RDH10: variants seen among roughly 807,000 people sequenced by gnomAD.
RDH10 encodes the protein retinol dehydrogenase 10 (all-trans).
In RDH10, 12 loss-of-function variants were observed where a neutral mutation model predicts 30.2. The observed-to-expected ratio is 0.40, with a 90% confidence interval of 0.25 to 0.64. The LOEUF is 0.64. Ranked by LOEUF, RDH10 falls within the 30% of genes least tolerant of loss-of-function variation. The probability of loss-of-function intolerance (pLI) is 0.43; values close to 1 mark genes in which losing one functional copy is unlikely to be tolerated. For synonymous variants in RDH10, 189 were observed against 172.2 expected (o/e 1.10, Z -0.76); for missense variants, 268 against 445.2 (o/e 0.60, Z 3.58).
At chr8:73,319,710 G>A (rs1369260433) in intron 3 of RDH10, among the ~76,000 whole-genome samples, 2 of 152,196 alleles carry the variant, frequency 1.3e-5, no homozygotes, top group Non-Finnish European at 2.9e-5. Context: ...ATGGAAAGCT[G>A]TGGGGAACAG....
chr8:73,295,339 C>T lies in RDH10; in HGVS notation c.50C>T (p.Ala17Val), dbSNP rs1814241548. 1 of 1,563,682 alleles carries T rather than the reference C, an allele frequency of 6.4e-7. No individual in the cohort carries two copies. The highest frequency in any genetic ancestry group is 8.7e-7 in the Non-Finnish European group (1 of 1,155,770). Residue 17 changes from alanine (A) to valine (V), a missense_variant, in exon 1 of 6, where the codon GCG becomes GTG. Ala to Val is a moderately conservative substitution (Grantham distance 64). Around this residue, in one of 4 missense-constraint regions of RDH10, gnomAD observed 44 missense variants for 42.1 expected, o/e 1.04. Transcript: ENST00000240285. ...FFVVTFKVLWAFVLAAARWLV... is the reference protein window; with the variant it reads ...FFVVTFKVLWVFVLAAARWLV... ...GTGGTCACTTTCAAAGTGCTCTGGG[C>T]GTTCGTGCTGGCCGCGGCGCGCTGG... is the stretch of plus-strand genomic sequence containing the variant.
In RDH10 at chr8:73,319,480, G is replaced by A. The variant is rs192723319; in HGVS notation, c.624+286G>A. On this transcript the variant is annotated intron_variant, in intron 3 of 5. Transcript: ENST00000240285. ...TTCAAGACTGCAGTGAGCTATGGTGGCACCACTGCACTTCAGCCTGGGAGA... is the reference window on the plus strand; with the variant it reads ...TTCAAGACTGCAGTGAGCTATGGTGACACCACTGCACTTCAGCCTGGGAGA... Among the ~76,000 whole-genome samples the A allele has an allele frequency of 5.6e-4, 86 of 152,308 alleles. 1 individual carries two copies. The highest frequency in any genetic ancestry group is 2.0e-3 in the African/African-American group (82 of 41,564).
intron 2 of RDH10, among the ~76,000 whole-genome samples, chr8:73,300,739 C>A (rs1221610859): frequency 6.6e-6 from 1 of 152,222 alleles, no homozygotes; most frequent in Non-Finnish European, 1.5e-5. Flanking sequence ...ACCTGAAACA[C>A]CCTCTTCCTC....
chr8:73,322,410 T>C, intron 4 of RDH10: 1 of 388,352 alleles, frequency 2.6e-6, no homozygotes, highest in Non-Finnish European at 4.7e-6. Flanking sequence ...TTTGAAATAC[T>C]TTTAAGGCAT....
intron 2 of RDH10, among the ~76,000 whole-genome samples, chr8:73,302,706 ATC>A (rs1194157061): frequency 2.6e-5 from 4 of 152,204 alleles, no homozygotes; most frequent in Non-Finnish European, 5.9e-5. Flanking sequence ...AAAGAAAAAT[ATC>A]TCTCTGTATT....
In RDH10 at chr8:73,305,292, C is replaced by T. The variant is rs533968909; in HGVS notation, c.525+7863C>T. Among the ~76,000 whole-genome samples the T allele has an allele frequency of 2.4e-3, 363 of 152,250 alleles. 2 individuals are homozygous for T. The highest frequency in any genetic ancestry group is 8.3e-3 in the African/African-American group (345 of 41,542). On this transcript the variant is annotated intron_variant, in intron 2 of 5. Coordinates refer to ENST00000240285, the MANE Select transcript of RDH10 (RefSeq NM_172037.5). ...AGATCTTTGGGAAATTCTAATGAAT[C>T]GGTTTTAGTAACTTGAATATATCTA...
chr8:73,322,852 C>A, intron 5 of RDH10, 42 bp downstream of exon 5: 1 of 1,613,946 alleles, frequency 6.2e-7, no homozygotes, highest in Non-Finnish European at 8.5e-7. Context: ...TCTCTCCATG[C>A]CTGCCCGATG....
At chr8:73,318,261 C>A (rs73330932) in intron 2 of RDH10, among the ~76,000 whole-genome samples, 6,115 of 151,824 alleles carry the variant, frequency 0.04, 416 homozygotes, top group African/African-American at 0.14. Context: ...TGAAGGCAAG[C>A]GAGCTAGAGA....
rs1206964878 is a variant in RDH10, at chr8:73,324,345, A to G, written c.*1309A>G. ...AACTATTTTGTGCCTTGAATTTGGT[A>G]TATGTGTATTAGTGAAACATTGTAA... is the stretch of plus-strand genomic sequence containing the variant. On this transcript the variant is annotated 3_prime_UTR_variant, in exon 6 of 6. Coordinates refer to ENST00000240285, the MANE Select transcript of RDH10 (RefSeq NM_172037.5). The G allele has an allele frequency of 6.6e-6, 1 of 152,634 alleles. No homozygotes were observed. Among genetic ancestry groups the G allele is most frequent in the Non-Finnish European group, 1.5e-5 (1 of 68,030 alleles). 9.5% of individuals were successfully genotyped at this position (152,634 alleles called of 1,614,324 possible).
chr8:73,296,586 G>A (rs1814270956), intron 1 of RDH10, among the ~76,000 whole-genome samples: 2 of 152,038 alleles, frequency 1.3e-5, no homozygotes, highest in Non-Finnish European at 2.9e-5. Flanking sequence ...GTTCTTATGC[G>A]GTAAAATTGC....
At chr8:73,302,396 C>G (rs1471452265) in intron 2 of RDH10, among the ~76,000 whole-genome samples, 2 of 152,140 alleles carry the variant, frequency 1.3e-5, no homozygotes, top group Non-Finnish European at 2.9e-5. Flanking sequence ...TGAAAGATAC[C>G]TCTCTTGGGC....
At chr8:73,309,377 A>C (rs983182523) in intron 2 of RDH10, among the ~76,000 whole-genome samples, 3 of 152,134 alleles carry the variant, frequency 2.0e-5, no homozygotes, top group African/African-American at 7.2e-5. Flanking sequence ...CAGTTCTCAT[A>C]ATTTAGTAAT....
At chr8:73,318,876 C>T (rs560599432) in intron 2 of RDH10, among the ~76,000 whole-genome samples, 1 of 152,362 alleles carries the variant, frequency 6.6e-6, no homozygotes, top group South Asian at 2.1e-4. Context: ...TTTTAAGTTA[C>T]AGTCTTGTTG....
chr8:73,295,003 C>T lies in RDH10; in HGVS notation c.-287C>T, dbSNP rs1319455224. The T allele has an allele frequency of 1.6e-5, 6 of 377,906 alleles. No individual in the cohort carries two copies. The East Asian group carries it at 1.9e-4, about 12-fold the overall frequency. 23.4% of individuals were successfully genotyped at this position (377,906 alleles called of 1,614,324 possible). ...ACTGCAGCGGAGCCGGCCGGCCGGG[C>T]GCTGCGGGACGGGCGGGCGGCTGCC... is the stretch of plus-strand genomic sequence containing the variant. On this transcript the variant is annotated 5_prime_UTR_variant, in exon 1 of 6. Transcript: ENST00000240285.
intron 4 of RDH10, chr8:73,321,979 GTTTGT>G (rs1483181000): frequency 4.4e-6 from 2 of 456,182 alleles, no homozygotes; most frequent in Non-Finnish European, 8.8e-6. Flanking sequence ...TGTGTTGGTG[GTTTGT>G]TTTGTTTTGT....
At chr8:73,322,523 G>A in intron 4 of RDH10, 156 bp from the exon 5 acceptor site, 1 of 683,522 alleles carries the variant, frequency 1.5e-6, no homozygotes, top group Non-Finnish European at 2.4e-6. Flanking sequence ...TTCATAGCAG[G>A]AAAATTTGGA....
At chr8:73,321,992 T>C (rs1390370946) in intron 4 of RDH10, 1 of 456,268 alleles carries the variant, frequency 2.2e-6, no homozygotes. Context: ...TGTTTTGTTT[T>C]GTTTTCCTCT....
intron 2 of RDH10, among the ~76,000 whole-genome samples, chr8:73,307,834 GGTTA>G (rs1356371587): frequency 3.9e-5 from 6 of 152,298 alleles, no homozygotes; most frequent in African/African-American, 1.4e-4. Flanking sequence ...TTATTAGCAT[GGTTA>G]GTTTAGCAGT....
intron 2 of RDH10, among the ~76,000 whole-genome samples, chr8:73,299,375 A>G (rs938315349): frequency 1.3e-5 from 2 of 152,244 alleles, no homozygotes; most frequent in East Asian, 1.9e-4. Flanking sequence ...TAAACTTGAC[A>G]TAGAATTTAT....
Sources: gnomAD v4.1 joint callset for allele counts (sites outside exome capture counted in the v4.1 genomes callset) on GRCh38, gnomAD v4.1.1 for gene constraint, gnomAD v4.1.1 regional missense constraint, MANE v1.5 for transcripts, NCBI Gene and HGNC (gene_info 2026-07-23, HGNC 2026-07-21) for gene names.